FERMT2: variants seen among roughly 807,000 people sequenced by gnomAD.
FERMT2 encodes fermitin family homolog 2.
FERMT2 carries 15 observed loss-of-function variants against 82.7 expected under a neutral mutation model. The ratio of observed to expected loss-of-function variants is 0.18; its 90% CI spans 0.12 to 0.28. The LOEUF (loss-of-function observed/expected upper bound fraction) is 0.28. FERMT2 is among the 10% of genes least tolerant of loss of function. The probability of loss-of-function intolerance (pLI) is 1.00; values close to 1 mark genes in which losing one functional copy is unlikely to be tolerated. For synonymous variants in FERMT2, 274 were observed against 271.5 expected, an observed-to-expected ratio of 1.01 and a Z score of -0.09; for missense variants, 645 against 809.4, an observed-to-expected ratio of 0.80 and a Z score of 2.46.
At chr14:52,861,239 T>C (rs1884917150) in intron 12 of FERMT2, 2 of 554,278 alleles carry the variant, frequency 3.6e-6, no homozygotes, top group Admixed American at 3.8e-5. Flanking sequence ...CAGCAATTAC[T>C]TTCCATTTAG....
chr14:52,858,629 A>G, intron 14 of FERMT2, 79 bp from the exon 15 acceptor site: 1 of 1,309,718 alleles, frequency 7.6e-7, no homozygotes, highest in South Asian at 1.3e-5. Flanking sequence ...GTGCTACTTA[A>G]AGTCTGTCAT....
intron 3 of FERMT2, among the ~76,000 whole-genome samples, chr14:52,916,870 C>G (rs1028780010): frequency 1.3e-5 from 2 of 152,098 alleles, no homozygotes; most frequent in African/African-American, 4.8e-5. Context: ...TTATTAATTT[C>G]TCAAAAATGG....
chr14:52,925,267 A>G (rs900891510), intron 2 of FERMT2, among the ~76,000 whole-genome samples: 1 of 152,188 alleles, frequency 6.6e-6, no homozygotes, highest in Non-Finnish European at 1.5e-5. Context: ...AAAAGTACTT[A>G]AAGGCCAGGA....
intron 3 of FERMT2, among the ~76,000 whole-genome samples, chr14:52,901,711 AG>A: frequency 6.6e-6 from 1 of 152,218 alleles, no homozygotes; most frequent in Non-Finnish European, 1.5e-5. Flanking sequence ...AGGGAATCTT[AG>A]TCTTACAATC....
chr14:52,936,660 TTG>T (rs1167202637), intron 2 of FERMT2, among the ~76,000 whole-genome samples: 3 of 152,156 alleles, frequency 2.0e-5, no homozygotes, highest in Admixed American at 6.5e-5. Flanking sequence ...TCCCAGCCTG[TTG>T]TTCTGTCATC....
chr14:52,913,991 G>A (rs1888473265), intron 3 of FERMT2, among the ~76,000 whole-genome samples: 1 of 152,038 alleles, frequency 6.6e-6, no homozygotes, highest in African/African-American at 2.4e-5. Flanking sequence ...GTCTCTGCGT[G>A]ATCTTGGGCA....
chr14:52,876,228 TA>T (rs892244446), intron 7 of FERMT2, among the ~76,000 whole-genome samples: 56 of 152,356 alleles, frequency 3.7e-4, no homozygotes, highest in African/African-American at 1.3e-3. Flanking sequence ...TTCTGTGTTT[TA>T]AGATTTAGTG....
At chr14:52,914,751 C>G (rs1888526161) in intron 3 of FERMT2, among the ~76,000 whole-genome samples, 1 of 151,428 alleles carries the variant, frequency 6.6e-6, no homozygotes, top group African/African-American at 2.4e-5. Context: ...AAAACCCCGT[C>G]TCTACTAAAA....
intron 3 of FERMT2, among the ~76,000 whole-genome samples, chr14:52,912,511 CTTTTT>C (rs1252702778): frequency 2.2e-5 from 3 of 139,274 alleles, no homozygotes; most frequent in African/African-American, 5.3e-5. Context: ...CAGATCACTA[CTTTTT>C]TTTTTTTTTT....
At chr14:52,915,433 G>C (rs1275505727) in intron 3 of FERMT2, among the ~76,000 whole-genome samples, 1 of 152,156 alleles carries the variant, frequency 6.6e-6, no homozygotes, top group African/African-American at 2.4e-5. Context: ...CATATAAATG[G>C]ATCAATGGAA....
intron 3 of FERMT2, among the ~76,000 whole-genome samples, chr14:52,913,714 A>AGTAGTAGTAGTAGTAGTAGT (rs1566746975): frequency 4.6e-5 from 7 of 152,144 alleles, no homozygotes; most frequent in Non-Finnish European, 5.9e-5. Context: ...TAGTAGTAGT[A>AGTAGTAGTAGTAGTAGTAGT]ATGAAAGACC....
At chr14:52,903,530 C>G (rs1224856970) in intron 3 of FERMT2, among the ~76,000 whole-genome samples, 1 of 151,174 alleles carries the variant, frequency 6.6e-6, no homozygotes, top group Non-Finnish European at 1.5e-5. Flanking sequence ...AGAGCAAGAC[C>G]CTGTCTCTTA....
intron 7 of FERMT2, among the ~76,000 whole-genome samples, chr14:52,876,241 T>G (rs181279009): frequency 6.6e-6 from 1 of 152,212 alleles, no homozygotes; most frequent in Non-Finnish European, 1.5e-5. Context: ...GATTTAGTGA[T>G]TGATTGGTAA....
At chr14:52,927,540 G>A (rs1357443997) in intron 2 of FERMT2, among the ~76,000 whole-genome samples, 1 of 136,522 alleles carries the variant, frequency 7.3e-6, no homozygotes, top group Non-Finnish European at 1.5e-5. Flanking sequence ...TGGGTGGCTT[G>A]AGCCGAAGCG....
chr14:52,948,359 C>T (rs915645790), intron 2 of FERMT2, among the ~76,000 whole-genome samples: 1 of 152,218 alleles, frequency 6.6e-6, no homozygotes, highest in Non-Finnish European at 1.5e-5. Context: ...CCGAATCTCT[C>T]CTCTATTTAC....
At chr14:52,900,943 A>G (rs1887587300) in intron 3 of FERMT2, among the ~76,000 whole-genome samples, 1 of 151,828 alleles carries the variant, frequency 6.6e-6, no homozygotes, top group Non-Finnish European at 1.5e-5. Flanking sequence ...ACTCCACCCA[A>G]TATAGAGCTT....
At chr14:52,858,692 G>C (rs751371377) in intron 14 of FERMT2, 142 bp from the exon 15 acceptor site, 1 of 668,104 alleles carries the variant, frequency 1.5e-6, no homozygotes, top group Non-Finnish European at 2.5e-6. Context: ...AAACCTAAAC[G>C]AATAATGCCT....
At chr14:52,905,907 C>G (rs537270458) in intron 3 of FERMT2, among the ~76,000 whole-genome samples, 2 of 152,168 alleles carry the variant, frequency 1.3e-5, no homozygotes, top group African/African-American at 4.8e-5. Flanking sequence ...AGAAGAAAAT[C>G]TAGGAAAAAT....
At chr14:52,897,359 T>C (rs376214699) in intron 3 of FERMT2, among the ~76,000 whole-genome samples, 5 of 152,314 alleles carry the variant, frequency 3.3e-5, no homozygotes, top group East Asian at 1.9e-4. Context: ...AAGGTTATAA[T>C]AATTTTAAGG....
Sources: allele counts gnomAD v4.1 joint callset (sites outside exome capture counted in the v4.1 genomes callset), GRCh38; gene constraint gnomAD v4.1.1; transcripts MANE v1.5; gene names NCBI Gene and HGNC (gene_info 2026-07-23, HGNC 2026-07-21).